The following XKR4 variants were observed in gnomAD, a reference collection of about 807,000 sequenced individuals.
XKR4 encodes the protein XK-related protein 4.
A neutral mutation model predicts 53.9 loss-of-function variants in XKR4; 12 were observed. The observed-to-expected ratio is 0.22, with a 90% CI of 0.14 to 0.36. The LOEUF is 0.36. Among genes scored for constraint, XKR4 ranks in the 10% least tolerant of loss-of-function variants. The pLI is 1.00. For missense variants in XKR4, 799 were observed against 859.5 expected (o/e 0.93, Z 0.88); for synonymous variants, 354 against 362.4 (o/e 0.98, Z 0.26).
rs916521428 is a variant in XKR4, at chr8:55,454,736, C to T, written c.1007-68545C>T. ...ATGAGGCCGAGGCTGTTCCTGAACACCTCCGCATGGTCAAGTCGCGACACA... is the reference window on the plus strand; with the variant it reads ...ATGAGGCCGAGGCTGTTCCTGAACATCTCCGCATGGTCAAGTCGCGACACA... On this transcript the variant is annotated intron_variant, in intron 2 of 2. Coordinates refer to ENST00000327381, the MANE Select transcript of XKR4 (RefSeq NM_052898.2). 1.7e-5 allele frequency: 14 copies of T among 801,930 alleles called. No individual in the cohort carries two copies. The Admixed American group carries it at 2.3e-4, about 13-fold the overall frequency. The allele number at this position is 801,930 out of a possible 1,614,324, so 49.7% of individuals were successfully genotyped here. A position where few individuals can be genotyped will look rare whatever the true frequency, so the allele number is the denominator to read the frequency against.
At chr8:55,308,145 C>T (rs570387542) in intron 1 of XKR4, among the ~76,000 whole-genome samples, 4 of 152,002 alleles carry the variant, frequency 2.6e-5, no homozygotes, top group East Asian at 1.9e-4. Context: ...CCCAGTTACT[C>T]GGGAGGCTGA....
At chr8:55,307,274 G>T (rs1456526902) in intron 1 of XKR4, among the ~76,000 whole-genome samples, 3 of 152,118 alleles carry the variant, frequency 2.0e-5, no homozygotes, top group Non-Finnish European at 4.4e-5. Flanking sequence ...AAGTTACAAA[G>T]AACTCCCAAA....
intron 1 of XKR4, among the ~76,000 whole-genome samples, chr8:55,103,851 G>GTGTATATATATA (rs1187141027): frequency 5.7e-5 from 6 of 106,012 alleles, no homozygotes; most frequent in Non-Finnish European, 9.5e-5. Flanking sequence ...AAATGACTTT[G>GTGTATATATATA]TATATATATA....
At position 55,503,979 on chromosome 8, in the gene XKR4, C is replaced by A. The variant is rs1289704880; in HGVS notation, c.1007-19302C>A. ...GATGATAATGTGGTGTGTTTTCCCCCTCCATTCTGTTAATGTGCTGTATTA... is the reference window on the plus strand; with the variant it reads ...GATGATAATGTGGTGTGTTTTCCCCATCCATTCTGTTAATGTGCTGTATTA... On this transcript the variant is annotated intron_variant, in intron 2 of 2. Transcript: ENST00000327381. 2.0e-5 allele frequency among the ~76,000 whole-genome samples: 3 copies of A among 151,900 alleles called. No homozygotes were observed. In the East Asian group the frequency reaches 5.8e-4, roughly 29 times the overall value.
At chr8:55,500,757 C>A (rs12549015) in intron 2 of XKR4, among the ~76,000 whole-genome samples, 1 of 152,106 alleles carries the variant, frequency 6.6e-6, no homozygotes, top group Admixed American at 6.5e-5. Flanking sequence ...TCTCATTTAA[C>A]CCTGCAAAAC....
At chr8:55,424,736 C>T (rs1233903739) in intron 2 of XKR4, among the ~76,000 whole-genome samples, 1 of 152,144 alleles carries the variant, frequency 6.6e-6, no homozygotes, top group Admixed American at 6.5e-5. Context: ...GAACCTGGCA[C>T]GTGTTAGGAA....
At chr8:55,397,202 A>G (rs1804533053) in intron 2 of XKR4, among the ~76,000 whole-genome samples, 1 of 152,226 alleles carries the variant, frequency 6.6e-6, no homozygotes, top group African/African-American at 2.4e-5. Flanking sequence ...AATCTTTGAG[A>G]GGAAGTTTTG....
chr8:55,297,537 GACCT>G (rs1254172064), intron 1 of XKR4, among the ~76,000 whole-genome samples: 1 of 152,150 alleles, frequency 6.6e-6, no homozygotes, highest in Non-Finnish European at 1.5e-5. Flanking sequence ...ATCTGGCCAT[GACCT>G]ACTGAGATAA....
At chr8:55,163,736 T>C (rs1009305590) in intron 1 of XKR4, among the ~76,000 whole-genome samples, 6 of 152,028 alleles carry the variant, frequency 3.9e-5, no homozygotes, top group African/African-American at 1.4e-4. Context: ...TCCCAGCTAC[T>C]TGGGAGGCTG....
intron 1 of XKR4, among the ~76,000 whole-genome samples, chr8:55,137,732 T>C (rs1816651190): frequency 6.6e-6 from 1 of 151,924 alleles, no homozygotes; most frequent in Non-Finnish European, 1.5e-5. Context: ...CCTGGCTAAT[T>C]TTTATTTATT....
At position 55,523,821 on chromosome 8, in the gene XKR4, A is replaced by G. The variant is rs756667131; in HGVS notation, c.1547A>G (p.Asn516Ser). The change falls in exon 3 of 3, where the codon AAT becomes AGT. Residue 516 changes from asparagine (N) to serine (S), a missense_variant. Around this residue, in one of 3 missense-constraint regions of XKR4, gnomAD observed 269 missense variants for 264.4 expected, o/e 1.02. Transcript: ENST00000327381. Reference sequence around the variant, plus strand: ...ATGTATTATGCCTTCTTTCATCCCAATGGACCCAGATTCGGGCAGTCACCA... The same window carrying G: ...ATGTATTATGCCTTCTTTCATCCCAGTGGACCCAGATTCGGGCAGTCACCA... ...MLMYYAFFHP[N>S]GPRFGQSPSC... The G allele has an allele frequency of 6.8e-6, 11 of 1,614,038 alleles. No homozygotes were observed. Among genetic ancestry groups the G allele is most frequent in the African/African-American group, 4.0e-5 (3 of 74,910 alleles).
intron 2 of XKR4, among the ~76,000 whole-genome samples, chr8:55,495,621 C>A (rs978830230): frequency 1.3e-4 from 20 of 152,194 alleles, no homozygotes; most frequent in African/African-American, 3.1e-4. Flanking sequence ...CTCCTTCCCC[C>A]CCAGGCCCTC....
At chr8:55,514,817 G>C (rs1020638594) in intron 2 of XKR4, among the ~76,000 whole-genome samples, 2 of 151,894 alleles carry the variant, frequency 1.3e-5, no homozygotes, top group Non-Finnish European at 1.5e-5. Flanking sequence ...AATTAATCAC[G>C]CAATATGTAG....
chr8:55,449,492 A>G, intron 2 of XKR4: 4 of 1,191,222 alleles, frequency 3.4e-6, no homozygotes, highest in South Asian at 1.3e-5. Flanking sequence ...CAGAGCAGCC[A>G]GGCAAGGTCG....
At chr8:55,219,717 A>G (rs1027621126) in intron 1 of XKR4, among the ~76,000 whole-genome samples, 1 of 152,168 alleles carries the variant, frequency 6.6e-6, no homozygotes. Context: ...TCCAAATCTG[A>G]GGCTCATATA....
chr8:55,435,708 C>T (rs1012467560), intron 2 of XKR4, among the ~76,000 whole-genome samples: 7 of 151,906 alleles, frequency 4.6e-5, no homozygotes, highest in African/African-American at 1.7e-4. Context: ...TAGTGGGACC[C>T]CAGGCATATG....
At chr8:55,200,766 T>C (rs950372730) in intron 1 of XKR4, among the ~76,000 whole-genome samples, 4 of 152,228 alleles carry the variant, frequency 2.6e-5, no homozygotes, top group African/African-American at 9.6e-5. Context: ...ATACATGAGA[T>C]AATTACCTTC....
At chr8:55,454,550 TG>T in intron 2 of XKR4, 3 of 1,432,492 alleles carry the variant, frequency 2.1e-6, no homozygotes, top group Non-Finnish European at 2.9e-6. Context: ...CAGCTGCTGA[TG>T]GGCAGGGAGT....
At position 55,469,946 on chromosome 8, in the gene XKR4, C is replaced by T. The variant is rs184949139; in HGVS notation, c.1007-53335C>T. Among the ~76,000 whole-genome samples, 39 of 152,148 alleles carry T rather than the reference C, an allele frequency of 2.6e-4. No homozygotes were observed. In the Middle Eastern group the frequency reaches 0.017, roughly 66 times the overall value. On this transcript the variant is annotated intron_variant, in intron 2 of 2. Transcript: ENST00000327381. ...AGAGGTGAAATATTTAAAATGGCCC[C>T]GCTTTCTAGGAATGCAGTCTTGGAG...
Sources: allele counts gnomAD v4.1 joint callset (sites outside exome capture counted in the v4.1 genomes callset), GRCh38; gene constraint gnomAD v4.1.1; regional missense constraint gnomAD v4.1.1; transcripts MANE v1.5; gene names NCBI Gene and HGNC (gene_info 2026-07-23, HGNC 2026-07-21).